PAWR: variants seen among roughly 807,000 people sequenced by gnomAD.
PAWR encodes the protein pro-apoptotic WT1 regulator, also known as PRKC apoptosis WT1 regulator protein.
In PAWR, 23 loss-of-function variants were observed where a neutral mutation model predicts 32.0. The observed-to-expected ratio is 0.72, with a 90% CI of 0.52 to 1.02. The LOEUF is 1.02. Among genes scored for constraint, PAWR ranks in the 50% least tolerant of loss-of-function variants. The pLI is 0.00. For synonymous variants in PAWR, 226 were observed against 187.1 expected (o/e 1.21, Z -1.70); for missense variants, 457 against 437.7 (o/e 1.04, Z -0.39).
Position 79,646,367 on chromosome 12 carries a change from T to C in PAWR, c.517-25160A>G, listed in dbSNP as rs1229030074. ...CTCTGTAGATACTGAACTAAAGACA[T>C]GTCTGACTCTGAGACATCAGTAATA... On this transcript the variant is annotated intron_variant, in intron 2 of 6. Coordinates refer to ENST00000328827, the MANE Select transcript of PAWR (RefSeq NM_002583.4). Among the ~76,000 whole-genome samples the C allele has an allele frequency of 3.3e-5, 5 of 152,174 alleles. No homozygotes were observed. In the South Asian group the frequency reaches 6.2e-4, roughly 19 times the overall value.
chr12:79,641,217 T>C (rs189527015), intron 2 of PAWR, among the ~76,000 whole-genome samples: 3 of 152,342 alleles, frequency 2.0e-5, no homozygotes, highest in Admixed American at 6.5e-5. Context: ...ACAATAACAA[T>C]AGCAGCTAAC....
At chr12:79,604,890 T>C (rs1874107749) in intron 4 of PAWR, among the ~76,000 whole-genome samples, 1 of 152,202 alleles carries the variant, frequency 6.6e-6, no homozygotes, top group African/African-American at 2.4e-5. Context: ...CCAGAGATAA[T>C]GTCCATTAAC....
rs573829429 is a variant in PAWR at position 79,611,558 on chromosome 12, T to C, written c.683+2017A>G. 3.3e-5 allele frequency among the ~76,000 whole-genome samples: 5 copies of C among 152,086 alleles called. No individual in the cohort carries two copies. In the South Asian group the frequency reaches 1.0e-3, roughly 31 times the overall value. Reference sequence around the variant, plus strand: ...GTTGATATAAAGTATAACACATTTCTACTAGATAAGAGATAATTTCATATA... The same window carrying C: ...GTTGATATAAAGTATAACACATTTCCACTAGATAAGAGATAATTTCATATA... On this transcript the variant is annotated intron_variant, in intron 4 of 6. Coordinates refer to ENST00000328827, the MANE Select transcript of PAWR (RefSeq NM_002583.4).
In PAWR at chr12:79,632,335, ATATATATATATATATATATATATATAT is replaced by A. The variant is rs1445532963; in HGVS notation, c.517-11155_517-11129del. ...TACATATATATATATATATATATAT[ATATATATATATATATATATATATATAT>A]TTTTTTTTTTTTTTAGACAGGGTCT... On this transcript the variant is annotated intron_variant, in intron 2 of 6. Transcript: ENST00000328827. Among the ~76,000 whole-genome samples the A allele has an allele frequency of 9.1e-4, 45 of 49,374 alleles. 5 individuals are homozygous for A. In the African/African-American group the frequency reaches 0.015, roughly 17 times the overall value. The allele number at this position is 49,374 out of a possible 152,430, so 32.4% of individuals were successfully genotyped here.
At chr12:79,630,748 T>G (rs570980145) in intron 2 of PAWR, among the ~76,000 whole-genome samples, 1 of 152,180 alleles carries the variant, frequency 6.6e-6, no homozygotes, top group South Asian at 2.1e-4. Context: ...CCAAGATGGT[T>G]TGGTAAACTA....
intron 2 of PAWR, among the ~76,000 whole-genome samples, chr12:79,646,481 C>G (rs1449982194): frequency 2.0e-5 from 3 of 152,172 alleles, no homozygotes; most frequent in Admixed American, 2.0e-4. Flanking sequence ...TCCCCTTCCC[C>G]AACACATGTC....
rs8176833 is a variant in PAWR, at chr12:79,643,041, C to T, written c.517-21834G>A. Among the ~76,000 whole-genome samples the T allele has an allele frequency of 6.5e-3, 990 of 152,202 alleles. 10 individuals are homozygous for T. Among genetic ancestry groups the T allele is most frequent in the African/African-American group, 0.019 (809 of 41,526 alleles). ...TTGGTTCCTGCTATATTCTTATATA[C>T]CAATCAATTCACATTTCGTATTACA... On this transcript the variant is annotated intron_variant, in intron 2 of 6. Transcript: ENST00000328827.
At chr12:79,639,737 A>C (rs1383306419) in intron 2 of PAWR, among the ~76,000 whole-genome samples, 2 of 151,936 alleles carry the variant, frequency 1.3e-5, no homozygotes, top group Non-Finnish European at 2.9e-5. Context: ...GTTAACTGGC[A>C]ATTAGCAGTA....
intron 2 of PAWR, among the ~76,000 whole-genome samples, chr12:79,679,266 T>C (rs534077028): frequency 6.6e-6 from 1 of 152,254 alleles, no homozygotes; most frequent in African/African-American, 2.4e-5. Context: ...TACATATAGA[T>C]TCTTATAAAA....
chr12:79,663,438 C>T (rs1877442878), intron 2 of PAWR, among the ~76,000 whole-genome samples: 1 of 152,154 alleles, frequency 6.6e-6, no homozygotes, highest in Non-Finnish European at 1.5e-5. Context: ...TCAGTCCTGT[C>T]ATAGATTCAT....
At chr12:79,665,401 T>A (rs1162720436) in intron 2 of PAWR, among the ~76,000 whole-genome samples, 1 of 152,184 alleles carries the variant, frequency 6.6e-6, no homozygotes, top group East Asian at 1.9e-4. Flanking sequence ...CCTTCCCACA[T>A]CTAACCCACA....
At chr12:79,641,401 T>C (rs1394755798) in intron 2 of PAWR, among the ~76,000 whole-genome samples, 5 of 152,200 alleles carry the variant, frequency 3.3e-5, no homozygotes, top group African/African-American at 9.6e-5. Context: ...AGCTGTGATA[T>C]GAACTCAAGA....
Position 79,592,396 on chromosome 12 carries a change from A to T in PAWR, c.*211T>A, listed in dbSNP as rs991203413. 8.8e-6 allele frequency: 4 copies of T among 456,886 alleles called. No individual in the cohort carries two copies. In the South Asian group the frequency reaches 9.4e-5, roughly 11 times the overall value. 28.3% of individuals were successfully genotyped at this position (456,886 alleles called of 1,614,324 possible). A position where few individuals can be genotyped will look rare whatever the true frequency, so the allele number is the denominator to read the frequency against. ...TTATCTATCATTTAATAACTGAAAG[A>T]TATTACTTATTTGTGAGATAAAAGG... is the stretch of plus-strand genomic sequence containing the variant. On this transcript the variant is annotated 3_prime_UTR_variant, in exon 7 of 7. Coordinates refer to ENST00000328827, the MANE Select transcript of PAWR (RefSeq NM_002583.4).
chr12:79,689,591 T>C (rs1015999188), intron 2 of PAWR, 138 bp downstream of exon 2: 4 of 951,674 alleles, frequency 4.2e-6, no homozygotes, highest in African/African-American at 1.7e-5. Context: ...CATCACCCCC[T>C]GCCTGCCTAA....
At chr12:79,686,140 A>G (rs1297503715) in intron 2 of PAWR, among the ~76,000 whole-genome samples, 1 of 152,192 alleles carries the variant, frequency 6.6e-6, no homozygotes. Context: ...TTATACTTAA[A>G]CCAAAACTTC....
intron 4 of PAWR, among the ~76,000 whole-genome samples, chr12:79,601,268 G>A (rs1221557926): frequency 6.7e-6 from 1 of 148,278 alleles, no homozygotes; most frequent in Non-Finnish European, 1.5e-5. Context: ...GCCCAGGCTG[G>A]AGTGCAGTGG....
chr12:79,602,653 C>T (rs913200059), intron 4 of PAWR, among the ~76,000 whole-genome samples: 1 of 152,140 alleles, frequency 6.6e-6, no homozygotes, highest in Non-Finnish European at 1.5e-5. Context: ...TACTGAAATC[C>T]ATCAGGTTTC....
intron 2 of PAWR, among the ~76,000 whole-genome samples, chr12:79,655,845 A>C (rs1199573745): frequency 6.6e-6 from 1 of 152,276 alleles, no homozygotes; most frequent in East Asian, 1.9e-4. Context: ...CAATACAAAA[A>C]TATGACATAA....
intron 5 of PAWR, among the ~76,000 whole-genome samples, chr12:79,595,998 TA>T (rs1873735544): frequency 6.6e-6 from 1 of 152,154 alleles, no homozygotes; most frequent in Non-Finnish European, 1.5e-5. Context: ...TTTCTTTACA[TA>T]ACATATATAA....
Sources: gnomAD v4.1 joint callset for allele counts (sites outside exome capture counted in the v4.1 genomes callset) on GRCh38, gnomAD v4.1.1 for gene constraint, MANE v1.5 for transcripts, NCBI Gene and HGNC (gene_info 2026-07-23, HGNC 2026-07-21) for gene names.